The following KCTD8 variants were observed in gnomAD, a reference collection of about 807,000 sequenced individuals.
KCTD8 encodes the protein BTB/POZ domain-containing protein KCTD8.
In KCTD8, 27 loss-of-function variants were observed where a neutral mutation model predicts 31.5. That is an observed-to-expected ratio of 0.86 (90% CI 0.63 to 1.18). The LOEUF is 1.18. Ranked by LOEUF, KCTD8 falls within the 50% of genes most tolerant of loss-of-function variation. The pLI, the probability that KCTD8 is intolerant of heterozygous loss-of-function variation, is 0.00. For synonymous variants in KCTD8, 290 were observed against 280.0 expected (o/e 1.04, Z -0.36); for missense variants, 658 against 647.7 (o/e 1.02, Z -0.17).
intron 1 of KCTD8, among the ~76,000 whole-genome samples, chr4:44,396,558 G>GT (rs557023301): frequency 1.3e-5 from 2 of 151,088 alleles, no homozygotes; most frequent in South Asian, 4.2e-4. Flanking sequence ...ACTTTTTCAT[G>GT]TTTTTTTCTC....
At chr4:44,343,890 C>T (rs1032672748) in intron 1 of KCTD8, among the ~76,000 whole-genome samples, 2 of 152,004 alleles carry the variant, frequency 1.3e-5, no homozygotes, top group Non-Finnish European at 2.9e-5. Context: ...GACACAGTCT[C>T]GCTCTGTCGC....
intron 1 of KCTD8, among the ~76,000 whole-genome samples, chr4:44,396,744 C>G (rs553685693): frequency 6.6e-6 from 1 of 152,190 alleles, no homozygotes; most frequent in African/African-American, 2.4e-5. Flanking sequence ...ACTAAGAGAA[C>G]CACCTTCTTA....
intron 1 of KCTD8, among the ~76,000 whole-genome samples, chr4:44,268,350 A>G (rs944178425): frequency 6.6e-6 from 1 of 152,128 alleles, no homozygotes; most frequent in African/African-American, 2.4e-5. Context: ...ACAACCCTTC[A>G]TGCTAAAAAC....
chr4:44,366,268 C>T (rs938072814), intron 1 of KCTD8, among the ~76,000 whole-genome samples: 1 of 152,132 alleles, frequency 6.6e-6, no homozygotes, highest in Non-Finnish European at 1.5e-5. Context: ...TGTTTCCACC[C>T]AAATCCCATG....
At chr4:44,396,380 C>T (rs957625078) in intron 1 of KCTD8, among the ~76,000 whole-genome samples, 5 of 152,154 alleles carry the variant, frequency 3.3e-5, no homozygotes, top group East Asian at 1.9e-4. Flanking sequence ...AGGTCTGTGG[C>T]CTGGGGTTTG....
chr4:44,345,189 A>T (rs1287476915), intron 1 of KCTD8, among the ~76,000 whole-genome samples: 1 of 151,432 alleles, frequency 6.6e-6, no homozygotes, highest in Non-Finnish European at 1.5e-5. Context: ...AAGAACAATA[A>T]GTTAGCCTTT....
chr4:44,272,121 T>TATATATA (rs1716629513), intron 1 of KCTD8, among the ~76,000 whole-genome samples: 1 of 142,526 alleles, frequency 7.0e-6, no homozygotes, highest in African/African-American at 2.7e-5. Context: ...TGGTATTATA[T>TATATATA]TATATATATA....
intron 1 of KCTD8, among the ~76,000 whole-genome samples, chr4:44,378,881 G>C (rs1432610570): frequency 6.6e-6 from 1 of 152,100 alleles, no homozygotes; most frequent in African/African-American, 2.4e-5. Context: ...TAAAATCAAA[G>C]TGCTGACAAG....
At chr4:44,287,106 C>A (rs145328005) in intron 1 of KCTD8, among the ~76,000 whole-genome samples, 2 of 152,174 alleles carry the variant, frequency 1.3e-5, no homozygotes, top group East Asian at 3.9e-4. Flanking sequence ...CATAAACTTG[C>A]ATGAGCTCAT....
At chr4:44,223,998 C>A (rs1043981957) in intron 1 of KCTD8, among the ~76,000 whole-genome samples, 3 of 152,112 alleles carry the variant, frequency 2.0e-5, no homozygotes, top group Non-Finnish European at 4.4e-5. Context: ...TAAAATATTC[C>A]AAAATTCTTT....
chr4:44,284,182 G>A (rs1241510262), intron 1 of KCTD8, among the ~76,000 whole-genome samples: 1 of 151,938 alleles, frequency 6.6e-6, no homozygotes, highest in Non-Finnish European at 1.5e-5. Context: ...GACAATCCTG[G>A]GCAAGAAGAA....
chr4:44,325,707 G>C (rs1277795625), intron 1 of KCTD8, among the ~76,000 whole-genome samples: 1 of 151,702 alleles, frequency 6.6e-6, no homozygotes, highest in Non-Finnish European at 1.5e-5. Context: ...TTTGCCCCAG[G>C]CACAAAGATA....
At chr4:44,434,225 A>T (rs192652291) in intron 1 of KCTD8, among the ~76,000 whole-genome samples, 1 of 151,976 alleles carries the variant, frequency 6.6e-6, no homozygotes, top group Admixed American at 6.6e-5. Context: ...CTCTCCATTC[A>T]GTTCAAGGCA....
intron 1 of KCTD8, among the ~76,000 whole-genome samples, chr4:44,350,649 C>T (rs1315972867): frequency 6.6e-6 from 1 of 152,068 alleles, no homozygotes; most frequent in Non-Finnish European, 1.5e-5. Flanking sequence ...GACTGCTCTA[C>T]AAAAGATATA....
intron 1 of KCTD8, among the ~76,000 whole-genome samples, chr4:44,415,568 T>TC (rs1334510196): frequency 2.0e-5 from 3 of 152,114 alleles, no homozygotes; most frequent in Non-Finnish European, 4.4e-5. Context: ...GAGTGCCACT[T>TC]CCCTGTGCAG....
At chr4:44,425,782 G>A (rs2109473640) in intron 1 of KCTD8, among the ~76,000 whole-genome samples, 1 of 152,036 alleles carries the variant, frequency 6.6e-6, no homozygotes, top group South Asian at 2.1e-4. Flanking sequence ...ATCATTATAA[G>A]AAGTCTGGGA....
chr4:44,206,310 A>C (rs1714303936), intron 1 of KCTD8, among the ~76,000 whole-genome samples: 1 of 152,090 alleles, frequency 6.6e-6, no homozygotes, highest in South Asian at 2.1e-4. Flanking sequence ...TGAAATTTGC[A>C]AACATCCTAG....
chr4:44,194,126 T>TG lies in KCTD8; in HGVS notation c.962-18877_962-18876insC, dbSNP rs1158249020. On this transcript the variant is annotated intron_variant, in intron 1 of 1. Transcript: ENST00000360029. ...TGAGAAGATACATTTAAGACCAAAC[T>TG]TTTCAATGATATGCAGCACATGATC... 4.9e-4 allele frequency among the ~76,000 whole-genome samples: 75 copies of TG among 152,242 alleles called. 1 individual carries two copies. The highest frequency in any genetic ancestry group is 2.4e-4 in the Non-Finnish European group (16 of 67,990).
At chr4:44,282,497 G>A (rs923386404) in intron 1 of KCTD8, among the ~76,000 whole-genome samples, 1 of 151,978 alleles carries the variant, frequency 6.6e-6, no homozygotes, top group African/African-American at 2.4e-5. Context: ...TCCTCTAAGT[G>A]TACAAGTGAA....
Sources: allele counts gnomAD v4.1 joint callset (sites outside exome capture counted in the v4.1 genomes callset), GRCh38; gene constraint gnomAD v4.1.1; transcripts MANE v1.5; gene names NCBI Gene and HGNC (gene_info 2026-07-23, HGNC 2026-07-21).